The following SV2B variants were observed in gnomAD, a reference collection of about 807,000 sequenced individuals.
SV2B encodes synaptic vesicle glycoprotein 2B.
In SV2B, 41 loss-of-function variants were observed where a neutral mutation model predicts 73.9. The ratio of observed to expected loss-of-function variants is 0.56; its 90% CI spans 0.43 to 0.72. SV2B has a LOEUF of 0.72. Among genes scored for constraint, SV2B ranks in the 30% least tolerant of loss-of-function variants. SV2B has a pLI of 0.00. For synonymous variants in SV2B, 314 were observed against 314.2 expected (o/e 1.00, Z 0.01); for missense variants, 764 against 857.8 (o/e 0.89, Z 1.37).
intron 1 of SV2B, among the ~76,000 whole-genome samples, chr15:91,188,580 G>C (rs2044872470): frequency 6.6e-6 from 1 of 152,100 alleles, no homozygotes; most frequent in South Asian, 2.1e-4. Flanking sequence ...CTCCCAAAGT[G>C]CTGGGATTAC....
rs1211464524 is a variant in SV2B, at chr15:91,137,594, T to TATATATATATTTC, written c.-392+37252_-392+37264dup. ...AATATATATATATATATTTCTCATA[T>TATATATATATTTC]ATATATATATTTCATATATATATTT... On this transcript the variant is annotated intron_variant, in intron 1 of 12. Transcript: ENST00000394232. This position sits in a 1 kb window ranked among gnomAD's most constrained non-coding sequence, Gnocchi z 4.9. 1.3e-5 allele frequency among the ~76,000 whole-genome samples: 1 copy of TATATATATATTTC among 75,204 alleles called. No individual in the cohort carries two copies. The highest frequency in any genetic ancestry group is 3.1e-5 in the Non-Finnish European group (1 of 32,484). The allele number at this position is 75,204 out of a possible 152,430, so 49.3% of individuals were successfully genotyped here.
chr15:91,211,779 G>A (rs1390399404), intron 1 of SV2B, among the ~76,000 whole-genome samples: 2 of 149,848 alleles, frequency 1.3e-5, no homozygotes, highest in Admixed American at 6.6e-5. Context: ...TGGGATTACA[G>A]GCATGAGCCA....
At chr15:91,228,919 G>A (rs1415704130) in intron 2 of SV2B, among the ~76,000 whole-genome samples, 4 of 152,326 alleles carry the variant, frequency 2.6e-5, no homozygotes, top group Admixed American at 6.5e-5. Context: ...TCACCATGTC[G>A]GTTAGATGAT....
intron 1 of SV2B, among the ~76,000 whole-genome samples, chr15:91,166,792 G>A (rs1271013928): frequency 6.7e-6 from 1 of 150,370 alleles, no homozygotes; most frequent in Non-Finnish European, 1.5e-5. Context: ...TAGTTTTTTT[G>A]TATAGTTTTT....
chr15:91,273,312 G>A (rs902045944), intron 9 of SV2B, among the ~76,000 whole-genome samples: 1 of 152,190 alleles, frequency 6.6e-6, no homozygotes, highest in African/African-American at 2.4e-5. Context: ...AGGCAAATCT[G>A]TGACCTGTCT....
At chr15:91,179,065 T>C (rs967907578) in intron 1 of SV2B, among the ~76,000 whole-genome samples, 2 of 151,996 alleles carry the variant, frequency 1.3e-5, no homozygotes, top group Admixed American at 1.3e-4. Flanking sequence ...CTGCTTTGAA[T>C]GTGTCCCAGA....
At chr15:91,194,486 T>TTCACTCACC (rs2045169902) in intron 1 of SV2B, among the ~76,000 whole-genome samples, 1 of 152,228 alleles carries the variant, frequency 6.6e-6, no homozygotes, top group African/African-American at 2.4e-5. Context: ...CTTGAGTGAA[T>TTCACTCACC]ACCCAGGAGT....
intron 1 of SV2B, chr15:91,102,196 T>C (rs1425547473): frequency 2.6e-5 from 4 of 152,222 alleles, no homozygotes; most frequent in Non-Finnish European, 5.9e-5. Flanking sequence ...AATGATAGAA[T>C]GAAAAGCTCT....
At chr15:91,243,891 G>GAA (rs2047122238) in intron 2 of SV2B, among the ~76,000 whole-genome samples, 2 of 152,168 alleles carry the variant, frequency 1.3e-5, no homozygotes, top group African/African-American at 4.8e-5. Flanking sequence ...CAGGAGGGGC[G>GAA]GTTCTGCTCT....
chr15:91,099,902 C>G (rs1004251850), upstream of SV2B: 2 of 152,254 alleles, frequency 1.3e-5, no homozygotes, highest in Non-Finnish European at 1.5e-5. Context: ...GACAGCGAGA[C>G]GACGCCCATG....
chr15:91,231,574 A>G lies in SV2B; in HGVS notation c.451+4860A>G, dbSNP rs1369710632. Among the ~76,000 whole-genome samples the G allele has an allele frequency of 6.6e-6, 1 of 152,068 alleles. No homozygotes were observed. Among genetic ancestry groups the G allele is most frequent in the Non-Finnish European group, 1.5e-5 (1 of 67,994 alleles). ...TAGGATGACAATATTGGCGACACGT[A>G]AGGCAAACCAACCCCATCCTTTTCT... is the stretch of plus-strand genomic sequence containing the variant. On this transcript the variant is annotated intron_variant, in intron 2 of 12. Transcript: ENST00000394232. This position sits in a 1 kb window ranked among gnomAD's most constrained non-coding sequence, Gnocchi z 4.5.
rs183953080 is a variant in SV2B, at chr15:91,295,209, A to G, written c.*2657A>G. On this transcript the variant is annotated 3_prime_UTR_variant, in exon 13 of 13. Coordinates refer to ENST00000394232, the MANE Select transcript of SV2B (RefSeq NM_001323032.3). Reference sequence around the variant, plus strand: ...CCCAGCTTGGAAATAGTTGCTTTCCATAGTCTCAACTGTATTGTGTCATCT... The same window carrying G: ...CCCAGCTTGGAAATAGTTGCTTTCCGTAGTCTCAACTGTATTGTGTCATCT... The G allele has an allele frequency of 3.3e-5, 5 of 152,380 alleles. No homozygotes were observed. Among genetic ancestry groups the G allele is most frequent in the East Asian group, 1.9e-4 (1 of 5,186 alleles). 9.4% of individuals were successfully genotyped at this position (152,380 alleles called of 1,614,324 possible).
intron 9 of SV2B, among the ~76,000 whole-genome samples, chr15:91,271,337 A>C (rs937016834): frequency 1.3e-5 from 2 of 152,176 alleles, no homozygotes; most frequent in Non-Finnish European, 2.9e-5. Context: ...ATGAGTAATA[A>C]TATTGATAGT....
intron 1 of SV2B, among the ~76,000 whole-genome samples, chr15:91,183,182 A>G (rs1226665839): frequency 6.6e-6 from 1 of 152,224 alleles, no homozygotes; most frequent in African/African-American, 2.4e-5. Flanking sequence ...TTTTGAGTTG[A>G]GAGCTGAAGG....
chr15:91,213,451 G>A (rs2045930920), intron 1 of SV2B, among the ~76,000 whole-genome samples: 1 of 152,112 alleles, frequency 6.6e-6, no homozygotes, highest in South Asian at 2.1e-4. Flanking sequence ...GTTATCTATG[G>A]AATACAAAGG....
At chr15:91,176,073 T>C (rs1349107119) in intron 1 of SV2B, among the ~76,000 whole-genome samples, 1 of 148,386 alleles carries the variant, frequency 6.7e-6, no homozygotes, top group Non-Finnish European at 1.5e-5. Context: ...CAGAGTGTGA[T>C]GTTCCCCTTC....
chr15:91,282,542 T>A (rs942240066), intron 10 of SV2B, among the ~76,000 whole-genome samples: 11 of 151,356 alleles, frequency 7.3e-5, no homozygotes, highest in Non-Finnish European at 1.3e-4. Flanking sequence ...AAATGTACTA[T>A]TTTTTTTTAA....
chr15:91,166,970 T>G (rs961009251), intron 1 of SV2B, among the ~76,000 whole-genome samples: 2 of 152,054 alleles, frequency 1.3e-5, no homozygotes, highest in African/African-American at 2.4e-5. Context: ...CCTGCCACCA[T>G]GCCCGGCTAT....
At chr15:91,113,024 G>A (rs1300389505) in intron 1 of SV2B, among the ~76,000 whole-genome samples, 1 of 152,082 alleles carries the variant, frequency 6.6e-6, no homozygotes. Flanking sequence ...GAGAGATGGG[G>A]TCTCCCTATT....
Sources: gnomAD v4.1 joint callset for allele counts (sites outside exome capture counted in the v4.1 genomes callset) on GRCh38, gnomAD v4.1.1 for gene constraint, Gnocchi (gnomAD v3.1) non-coding constraint, MANE v1.5 for transcripts, NCBI Gene and HGNC (gene_info 2026-07-23, HGNC 2026-07-21) for gene names.